Variants in PLXNA4 observed in about 807,000 individuals in gnomAD.
PLXNA4 encodes the protein plexin-A4.
PLXNA4 carries 44 observed loss-of-function variants against 191.8 expected under a neutral mutation model. The ratio of observed to expected loss-of-function variants is 0.23; its 90% CI spans 0.18 to 0.29. The LOEUF is 0.29. Among genes scored for constraint, PLXNA4 ranks in the 10% least tolerant of loss-of-function variants. PLXNA4 has a pLI of 1.00. For missense variants in PLXNA4, 1,800 were observed against 2,488.8 expected, an observed-to-expected ratio of 0.72 and a Z score of 5.89; for synonymous variants, 1,082 against 1,009.5, an observed-to-expected ratio of 1.07 and a Z score of -1.36.
intron 2 of PLXNA4, among the ~76,000 whole-genome samples, chr7:132,620,837 G>T (rs1208465704): frequency 4.6e-5 from 7 of 152,064 alleles, no homozygotes; most frequent in Admixed American, 2.6e-4. Flanking sequence ...CCATCAACCG[G>T]GTGGCTTAAA....
intron 3 of PLXNA4, among the ~76,000 whole-genome samples, chr7:132,414,842 G>A (rs1188119446): frequency 3.3e-5 from 5 of 152,120 alleles, no homozygotes; most frequent in African/African-American, 1.2e-4. Context: ...CACACCTCAT[G>A]GAACCCGCAA....
intron 1 of PLXNA4, among the ~76,000 whole-genome samples, chr7:132,547,706 G>C (rs1424196163): frequency 6.6e-6 from 1 of 152,226 alleles, no homozygotes; most frequent in East Asian, 1.9e-4. Flanking sequence ...AAAACAGGGA[G>C]GCAGTCAAAG....
chr7:132,495,941 A>G (rs766235771), intron 2 of PLXNA4, among the ~76,000 whole-genome samples: 11 of 152,214 alleles, frequency 7.2e-5, no homozygotes, highest in Non-Finnish European at 1.5e-4. Context: ...AAAACCTACT[A>G]AGCCCCAAGC....
intron 1 of PLXNA4, among the ~76,000 whole-genome samples, chr7:132,565,629 C>T (rs1263316336): frequency 6.6e-6 from 1 of 152,146 alleles, no homozygotes; most frequent in African/African-American, 2.4e-5. Context: ...ACCCAGATTC[C>T]CCTTCCGCAT....
Position 132,227,575 on chromosome 7 carries a change from C to T in PLXNA4, c.1758G>A (p.Glu586=). Residue 586 remains glutamate, a synonymous_variant, in exon 7 of 32, where the codon GAG becomes GAA. Coordinates refer to ENST00000321063, the MANE Select transcript of PLXNA4 (RefSeq NM_020911.2). ...AGGTGCAGTTGACGCCAGCTGACAGCTCCGGGACATTGTACGTCTCCAGGA... is the reference window on the plus strand; with the variant it reads ...AGGTGCAGTTGACGCCAGCTGACAGTTCCGGGACATTGTACGTCTCCAGGA... The part of the protein sequence containing the change: ...LLVLETYNVP[E]LSAGVNCTFE... The T allele has an allele frequency of 1.2e-6, 2 of 1,614,140 alleles. No individual in the cohort carries two copies. The highest frequency in any genetic ancestry group is 1.7e-6 in the Non-Finnish European group (2 of 1,180,040).
chr7:132,509,055 C>T (rs1012722586), intron 1 of PLXNA4, among the ~76,000 whole-genome samples: 1 of 152,044 alleles, frequency 6.6e-6, no homozygotes, highest in Admixed American at 6.6e-5. Context: ...TGATTAACAG[C>T]CATTATCTAC....
At chr7:132,484,758 T>C (rs1368824430) in intron 3 of PLXNA4, 3 of 1,604,614 alleles carry the variant, frequency 1.9e-6, no homozygotes, top group African/African-American at 2.7e-5. Flanking sequence ...TCTGCAGGGC[T>C]TTCTGTGCTA....
chr7:132,305,241 A>T (rs1366448632), intron 3 of PLXNA4, among the ~76,000 whole-genome samples: 1 of 151,972 alleles, frequency 6.6e-6, no homozygotes, highest in Non-Finnish European at 1.5e-5. Context: ...AATATTAACG[A>T]CTGGTGAGGC....
In PLXNA4 at chr7:132,637,008, T is replaced by C. The variant is rs372834457; in HGVS notation, c.-87+8920A>G. On this transcript the variant is annotated intron_variant, in intron 2 of 4. Transcript: ENST00000378539. ...CTATTGCCTCAAGTCTTCTTGATAT[T>C]GTTTGACGCTGAAACAGTGCTTTGT... Among the ~76,000 whole-genome samples, 22 of 152,318 alleles carry C rather than the reference T, an allele frequency of 1.4e-4. No homozygotes were observed. The South Asian group carries it at 2.7e-3, about 19-fold the overall frequency.
intron 2 of PLXNA4, among the ~76,000 whole-genome samples, chr7:132,583,250 G>A (rs1379403742): frequency 6.6e-6 from 1 of 152,192 alleles, no homozygotes; most frequent in African/African-American, 2.4e-5. Context: ...CACCCACCAA[G>A]CACCAGGCCC....
chr7:132,443,223 TTGTGG>T (rs1795761205), intron 3 of PLXNA4, among the ~76,000 whole-genome samples: 2 of 152,172 alleles, frequency 1.3e-5, no homozygotes, highest in Non-Finnish European at 1.5e-5. Flanking sequence ...TCCTTCCTTT[TTGTGG>T]CCATGTTCCT....
chr7:132,202,315 A>G (rs922905512), intron 12 of PLXNA4, among the ~76,000 whole-genome samples: 1 of 152,112 alleles, frequency 6.6e-6, no homozygotes, highest in Non-Finnish European at 1.5e-5. Context: ...CCAAAGGTGG[A>G]ACTTCAGGCC....
intron 3 of PLXNA4, among the ~76,000 whole-genome samples, chr7:132,425,860 G>T (rs1353122261): frequency 6.6e-6 from 1 of 152,178 alleles, no homozygotes; most frequent in Non-Finnish European, 1.5e-5. Context: ...CTTGAACATG[G>T]TGCCTCCCTC....
intron 2 of PLXNA4, among the ~76,000 whole-genome samples, chr7:132,644,125 G>A (rs926453175): frequency 2.0e-5 from 3 of 152,180 alleles, no homozygotes; most frequent in Admixed American, 6.5e-5. Flanking sequence ...GTGGCCTAGA[G>A]GAGTGAGTGA....
At chr7:132,400,666 G>A (rs181591776) in intron 3 of PLXNA4, among the ~76,000 whole-genome samples, 2 of 152,252 alleles carry the variant, frequency 1.3e-5, no homozygotes, top group East Asian at 3.9e-4. Context: ...CCATCCGTAT[G>A]CATACCACGC....
intron 4 of PLXNA4, among the ~76,000 whole-genome samples, chr7:132,270,595 G>A (rs1476212550): frequency 6.6e-6 from 1 of 152,202 alleles, no homozygotes; most frequent in Admixed American, 6.5e-5. Flanking sequence ...AGGAATGAGA[G>A]CAAGAAGTAT....
At chr7:132,535,877 C>T (rs1420142513) in intron 1 of PLXNA4, among the ~76,000 whole-genome samples, 1 of 152,172 alleles carries the variant, frequency 6.6e-6, no homozygotes, top group Non-Finnish European at 1.5e-5. Context: ...TAATCCCCAC[C>T]ACAACCCTAC....
intron 3 of PLXNA4, among the ~76,000 whole-genome samples, chr7:132,455,469 G>A (rs1483182108): frequency 6.6e-6 from 1 of 151,932 alleles, no homozygotes; most frequent in African/African-American, 2.4e-5. Flanking sequence ...AGTGAGGGCC[G>A]CTCGAATTGA....
intron 7 of PLXNA4, among the ~76,000 whole-genome samples, chr7:132,226,716 T>C (rs1217658062): frequency 6.6e-6 from 1 of 152,190 alleles, no homozygotes; most frequent in Non-Finnish European, 1.5e-5. Context: ...CCACTTCCTC[T>C]GGGGGGCTCA....
Sources: allele counts gnomAD v4.1 joint callset (sites outside exome capture counted in the v4.1 genomes callset), GRCh38; gene constraint gnomAD v4.1.1; transcripts MANE v1.5; gene names NCBI Gene and HGNC (gene_info 2026-07-23, HGNC 2026-07-21).